Variants in TAF10 observed in about 807,000 individuals in gnomAD.
The protein encoded by TAF10 is TATA-box binding protein associated factor 10.
TAF10 carries 2 observed loss-of-function variants against 18.1 expected under a neutral mutation model. The ratio of observed to expected loss-of-function variants is 0.11; its 90% confidence interval spans 0.05 to 0.35. The LOEUF (loss-of-function observed/expected upper bound fraction) is 0.35, where lower values mean the gene tolerates loss of function less well. TAF10 is among the 10% of genes least tolerant of loss of function. The pLI, the probability that TAF10 is intolerant of heterozygous loss-of-function variation, is 1.00. For missense variants in TAF10, 293 were observed against 306.9 expected (o/e 0.95, Z 0.34); for synonymous variants, 158 against 134.6 (o/e 1.17, Z -1.20).
In TAF10 at chr11:6,609,944, G is replaced by A; in HGVS notation, c.*978C>T. 1 of 1,614,132 alleles carries A rather than the reference G, an allele frequency of 6.2e-7. No individual in the cohort carries two copies. Among genetic ancestry groups the A allele is most frequent in the Non-Finnish European group, 8.5e-7 (1 of 1,180,038 alleles). ...TGTTTTCTCTTCCTCAGATTGATGA[G>A]GACATGACTGCCCGAATTAGCATGG... On this transcript the variant is annotated 3_prime_UTR_variant, in exon 5 of 5. Transcript: ENST00000299424.
At position 6,608,029 on chromosome 11, in the gene TAF10, T is replaced by C. The variant is rs372812947; in HGVS notation, c.*2893A>G. 8.3e-5 allele frequency: 134 copies of C among 1,613,434 alleles called. No individual in the cohort carries two copies. The Middle Eastern group carries it at 2.6e-3, about 32-fold the overall frequency. On this transcript the variant is annotated 3_prime_UTR_variant, in exon 5 of 5. Transcript: ENST00000299424. The surrounding 1 kb of genome is among the most constrained non-coding windows in gnomAD (Gnocchi z 4.9). ...CATCCCACCTCCAGCTCAATGACCA[T>C]TGCCCCTTCCTCAAAGGGACGATCA...
In TAF10 at chr11:6,611,756, G is replaced by A. The variant is rs1047093391; in HGVS notation, c.295C>T (p.Leu99=). ...EGAISNGVYV[L]PSAANGDVKP... ...ACGTCTCCGTTGGCCGCGCTCGGCA[G>A]TACGTAAACCCCGTTAGATATGGCC... The change falls in exon 2 of 5, where the codon CTG becomes TTG. Residue 99 remains leucine, a synonymous_variant. Transcript: ENST00000299424. The A allele has an allele frequency of 3.7e-6, 6 of 1,611,470 alleles. No homozygotes were observed. Among genetic ancestry groups the A allele is most frequent in the Admixed American group, 1.7e-5 (1 of 59,690 alleles).
intron 3 of TAF10, 22 bp from the exon 4 acceptor site, chr11:6,611,325 GAGA>G (rs1855453564): frequency 6.2e-7 from 1 of 1,613,980 alleles, no homozygotes; most frequent in Admixed American, 1.7e-5. Flanking sequence ...AAACTTAGAT[GAGA>G]AGGAGATGGA....
chr11:6,609,838 G>A lies in TAF10; in HGVS notation c.*1084C>T. The A allele has an allele frequency of 6.2e-7, 1 of 1,614,250 alleles. No individual in the cohort carries two copies. Among genetic ancestry groups the A allele is most frequent in the Non-Finnish European group, 8.5e-7 (1 of 1,180,028 alleles). On this transcript the variant is annotated 3_prime_UTR_variant, in exon 5 of 5. Transcript: ENST00000299424. ...CCACGACATGCACTCAATAGCCGTAGTGTAATGGTGAGGCCACAAGCTCAC... is the reference window on the plus strand; with the variant it reads ...CCACGACATGCACTCAATAGCCGTAATGTAATGGTGAGGCCACAAGCTCAC...
chr11:6,607,959 G>T lies in TAF10; in HGVS notation c.*2963C>A, dbSNP rs1855092957. The T allele has an allele frequency of 2.9e-6, 4 of 1,378,716 alleles. No homozygotes were observed. Among genetic ancestry groups the T allele is most frequent in the Non-Finnish European group, 4.1e-6 (4 of 978,088 alleles). The allele number at this position is 1,378,716 out of a possible 1,614,324, so 85.4% of individuals were successfully genotyped here. On this transcript the variant is annotated 3_prime_UTR_variant, in exon 5 of 5. Coordinates refer to ENST00000299424, the MANE Select transcript of TAF10 (RefSeq NM_006284.4). ...AGTCCTAGAGAGGTAAGCCTTCCCAGAGAGTATGTAATTATCAGTTTTTCA... is the reference window on the plus strand; with the variant it reads ...AGTCCTAGAGAGGTAAGCCTTCCCATAGAGTATGTAATTATCAGTTTTTCA...
chr11:6,607,742 G>A lies in TAF10; in HGVS notation c.*3180C>T, dbSNP rs1424993795. 3 of 425,608 alleles carry A rather than the reference G, an allele frequency of 7.0e-6. No individual in the cohort carries two copies. Among genetic ancestry groups the A allele is most frequent in the African/African-American group, 4.0e-5 (2 of 49,714 alleles). 26.4% of individuals were successfully genotyped at this position (425,608 alleles called of 1,614,324 possible). On this transcript the variant is annotated 3_prime_UTR_variant, in exon 5 of 5. Transcript: ENST00000299424. Reference sequence around the variant, plus strand: ...TGGAAAACAGAAAGGACCAATAGATGTTGCAGAAGGGGTGCAAGAGAAACC... The same window carrying A: ...TGGAAAACAGAAAGGACCAATAGATATTGCAGAAGGGGTGCAAGAGAAACC...
Position 6,609,565 on chromosome 11 carries a change from C to T in TAF10, c.*1357G>A. 3.7e-6 allele frequency: 6 copies of T among 1,614,198 alleles called. No individual in the cohort carries two copies. The highest frequency in any genetic ancestry group is 5.1e-6 in the Non-Finnish European group (6 of 1,180,026). ...GTGCTAGGTGCCTGCCAGTCTCCACCTGCTCCTCATCCTACTCTCATCACA... is the reference window on the plus strand; with the variant it reads ...GTGCTAGGTGCCTGCCAGTCTCCACTTGCTCCTCATCCTACTCTCATCACA... On this transcript the variant is annotated 3_prime_UTR_variant, in exon 5 of 5. Coordinates refer to ENST00000299424, the MANE Select transcript of TAF10 (RefSeq NM_006284.4).
chr11:6,608,010 A>C lies in TAF10; in HGVS notation c.*2912T>G. 6.2e-7 allele frequency: 1 copy of C among 1,611,412 alleles called. No individual in the cohort carries two copies. Among genetic ancestry groups the C allele is most frequent in the East Asian group, 2.2e-5 (1 of 44,852 alleles). ...GGAATCAAAACCTTTGCCCCATCCC[A>C]CCTCCAGCTCAATGACCATTGCCCC... On this transcript the variant is annotated 3_prime_UTR_variant, in exon 5 of 5. Coordinates refer to ENST00000299424, the MANE Select transcript of TAF10 (RefSeq NM_006284.4). This position sits in a 1 kb window ranked among gnomAD's most constrained non-coding sequence, Gnocchi z 4.9.
chr11:6,610,760 A>T lies in TAF10; in HGVS notation c.*162T>A. 7.5e-7 allele frequency: 1 copy of T among 1,329,968 alleles called. No individual in the cohort carries two copies. The highest frequency in any genetic ancestry group is 1.1e-6 in the Non-Finnish European group (1 of 937,692). The allele number at this position is 1,329,968 out of a possible 1,614,324, so 82.4% of individuals were successfully genotyped here. ...GGGTCCATCCCCTTCCCCCATCCCTACCACTGTGGCCCCAAGAGGGGCGGG... is the reference window on the plus strand; with the variant it reads ...GGGTCCATCCCCTTCCCCCATCCCTTCCACTGTGGCCCCAAGAGGGGCGGG... On this transcript the variant is annotated 3_prime_UTR_variant, in exon 5 of 5. Transcript: ENST00000299424.
chr11:6,609,148 T>G lies in TAF10; in HGVS notation c.*1774A>C, dbSNP rs1196872015. 1.1e-5 allele frequency: 17 copies of G among 1,613,696 alleles called. No homozygotes were observed. Among genetic ancestry groups the G allele is most frequent in the Non-Finnish European group, 1.4e-5 (16 of 1,179,708 alleles). On this transcript the variant is annotated 3_prime_UTR_variant, in exon 5 of 5. Transcript: ENST00000299424. ...CCTGACGAAGCTCAACGAGAATCAC[T>G]CTGGAGAGGTGACCCCTGCCCTTCT...
Position 6,610,074 on chromosome 11 carries a change from AC to A in TAF10, c.*847del. 9 of 1,614,022 alleles carry A rather than the reference AC, an allele frequency of 5.6e-6. No homozygotes were observed. Among genetic ancestry groups the A allele is most frequent in the Non-Finnish European group, 6.8e-6 (8 of 1,179,986 alleles). On this transcript the variant is annotated 3_prime_UTR_variant, in exon 5 of 5. Coordinates refer to ENST00000299424, the MANE Select transcript of TAF10 (RefSeq NM_006284.4). ...TCATGTCGGGAGGTAAAAAAGGACCACCTCAGAAGTAGTGGAAGGGGGCAGA... is the reference window on the plus strand; with the variant it reads ...TCATGTCGGGAGGTAAAAAAGGACCACTCAGAAGTAGTGGAAGGGGGCAGA...
chr11:6,609,615 T>C lies in TAF10; in HGVS notation c.*1307A>G, dbSNP rs149824696. ...ACACTGGATGCCGTATGGATCCCTC[T>C]ACAATGTACTACATGAAGGCACCAG... is the stretch of plus-strand genomic sequence containing the variant. On this transcript the variant is annotated 3_prime_UTR_variant, in exon 5 of 5. Transcript: ENST00000299424. The C allele has an allele frequency of 3.7e-6, 6 of 1,614,076 alleles. No individual in the cohort carries two copies. In the African/African-American group the frequency reaches 6.7e-5, roughly 18 times the overall value.
At position 6,611,323 on chromosome 11, in the gene TAF10, A is replaced by AATC. The variant is rs779611897; in HGVS notation, c.453-21_453-20insGAT. The AATC allele has an allele frequency of 6.2e-7, 1 of 1,614,032 alleles. No homozygotes were observed. Among genetic ancestry groups the AATC allele is most frequent in the Admixed American group, 1.7e-5 (1 of 60,026 alleles). On this transcript the variant is annotated intron_variant, in intron 3 of 4. Coordinates refer to ENST00000299424, the MANE Select transcript of TAF10 (RefSeq NM_006284.4). ...CGAATTCTAGAGAGAAAAAACTTAGATGAGAAGGAGATGGACAACATACTG... is the reference window on the plus strand; with the variant it reads ...CGAATTCTAGAGAGAAAAAACTTAGAATCTGAGAAGGAGATGGACAACATACTG...
rs1272568773 is a variant in TAF10 at position 6,607,400 on chromosome 11, G to A, written c.*3522C>T. On this transcript the variant is annotated 3_prime_UTR_variant, in exon 5 of 5. Coordinates refer to ENST00000299424, the MANE Select transcript of TAF10 (RefSeq NM_006284.4). ...TAGGGGAATCCTGCTTTGCATGGTG[G>A]TTTGTTATCTACCTCATCAGTAGTC... 1 of 153,700 alleles carries A rather than the reference G, an allele frequency of 6.5e-6. No individual in the cohort carries two copies. The highest frequency in any genetic ancestry group is 1.4e-5 in the Non-Finnish European group (1 of 69,080). The allele number at this position is 153,700 out of a possible 1,614,324, so 9.5% of individuals were successfully genotyped here.
chr11:6,608,512 C>T lies in TAF10; in HGVS notation c.*2410G>A. 6 of 1,583,090 alleles carry T rather than the reference C, an allele frequency of 3.8e-6. No individual in the cohort carries two copies. The highest frequency in any genetic ancestry group is 5.2e-6 in the Non-Finnish European group (6 of 1,151,792). ...GAGGTGAGTACTCAGCCCTTAATTC[C>T]TGAGATGGGTAGGAAGTAAAGTCTG... is the stretch of plus-strand genomic sequence containing the variant. On this transcript the variant is annotated 3_prime_UTR_variant, in exon 5 of 5. Coordinates refer to ENST00000299424, the MANE Select transcript of TAF10 (RefSeq NM_006284.4). This position sits in a 1 kb window ranked among gnomAD's most constrained non-coding sequence, Gnocchi z 4.9.
Position 6,608,957 on chromosome 11 carries a change from C to T in TAF10, c.*1965G>A, listed in dbSNP as rs2134559961. ...ACACATTCTGGAAGGGGACCACCCG[C>T]ACTCGGCCCCGTGAGTCACCACTGT... On this transcript the variant is annotated 3_prime_UTR_variant, in exon 5 of 5. Coordinates refer to ENST00000299424, the MANE Select transcript of TAF10 (RefSeq NM_006284.4). The surrounding 1 kb of genome is among the most constrained non-coding windows in gnomAD (Gnocchi z 4.9). The T allele has an allele frequency of 1.9e-6, 3 of 1,614,186 alleles. No individual in the cohort carries two copies. Among genetic ancestry groups the T allele is most frequent in the South Asian group, 1.1e-5 (1 of 91,074 alleles).
chr11:6,608,465 T>C lies in TAF10; in HGVS notation c.*2457A>G. 1.9e-6 allele frequency: 3 copies of C among 1,614,114 alleles called. No homozygotes were observed. The highest frequency in any genetic ancestry group is 2.2e-5 in the East Asian group (1 of 44,880). ...ATGTGCCCCTGCACTATGCCTGTTTTTGGGGCCAAGATCAAGTGGCAGAGG... is the reference window on the plus strand; with the variant it reads ...ATGTGCCCCTGCACTATGCCTGTTTCTGGGGCCAAGATCAAGTGGCAGAGG... On this transcript the variant is annotated 3_prime_UTR_variant, in exon 5 of 5. Coordinates refer to ENST00000299424, the MANE Select transcript of TAF10 (RefSeq NM_006284.4). This position sits in a 1 kb window ranked among gnomAD's most constrained non-coding sequence, Gnocchi z 4.9.
chr11:6,611,606 C>A, intron 2 of TAF10, 58 bp downstream of exon 2: 1 of 1,581,666 alleles, frequency 6.3e-7, no homozygotes, highest in Non-Finnish European at 8.6e-7. Flanking sequence ...CTGAAAAGCA[C>A]GATGTGGCTG....
In TAF10 at chr11:6,610,916, G is replaced by A; in HGVS notation, c.*6C>T. On this transcript the variant is annotated 3_prime_UTR_variant, in exon 5 of 5. Transcript: ENST00000299424. ...GGGACAGATAAGTACATTTAGGTTG[G>A]GTGGCTCAGGTGAAGTAGTGCGGCT... 10 of 1,614,092 alleles carry A rather than the reference G, an allele frequency of 6.2e-6. No individual in the cohort carries two copies. Among genetic ancestry groups the A allele is most frequent in the Non-Finnish European group, 8.5e-6 (10 of 1,179,952 alleles).
Sources: allele counts gnomAD v4.1 joint callset, GRCh38; gene constraint gnomAD v4.1.1; non-coding constraint Gnocchi (gnomAD v3.1); transcripts MANE v1.5; gene names NCBI Gene and HGNC (gene_info 2026-07-23, HGNC 2026-07-21).